Variants in FOXK2 observed in about 807,000 individuals in gnomAD.
The protein encoded by FOXK2 is forkhead box K2.
Under a neutral mutation model 53.3 loss-of-function variants are expected in FOXK2, and 24 were observed. That is an observed-to-expected ratio of 0.45 (90% CI 0.33 to 0.63). The LOEUF is 0.63. Among genes scored for constraint, FOXK2 ranks in the 30% least tolerant of loss-of-function variants. The pLI is 0.03. For missense variants in FOXK2, 952 were observed against 910.5 expected, an observed-to-expected ratio of 1.05 and a Z score of -0.59; for synonymous variants, 505 against 407.1, an observed-to-expected ratio of 1.24 and a Z score of -2.89.
At position 82,587,262 on chromosome 17, in the gene FOXK2, G is replaced by T; in HGVS notation, c.1776G>T (p.Gln592His). The T allele has an allele frequency of 1.2e-6, 2 of 1,612,704 alleles. No homozygotes were observed. The highest frequency in any genetic ancestry group is 8.5e-7 in the Non-Finnish European group (1 of 1,179,730). Residue 592 changes from glutamine (Q) to histidine (H), a missense_variant, in exon 8 of 9, where the codon CAG (glutamine) becomes CAT (histidine). Coordinates refer to ENST00000335255, the MANE Select transcript of FOXK2 (RefSeq NM_004514.4). Reference protein sequence around the residue: ...VASVPTAVHGQVNNAAASPLH... With the variant: ...VASVPTAVHGHVNNAAASPLH... Reference sequence around the variant, plus strand: ...CAGTCCCCACTGCGGTCCACGGCCAGGTGAACAATGGTAAGACATGCTGGT... The same window carrying T: ...CAGTCCCCACTGCGGTCCACGGCCATGTGAACAATGGTAAGACATGCTGGT...
intron 1 of FOXK2, among the ~76,000 whole-genome samples, chr17:82,523,827 A>G (rs1198959216): frequency 6.6e-6 from 1 of 152,130 alleles, no homozygotes; most frequent in East Asian, 1.9e-4. Context: ...TGATGATACA[A>G]GTTCTTTTTA....
intron 1 of FOXK2, among the ~76,000 whole-genome samples, chr17:82,535,549 C>A (rs1356367457): frequency 6.6e-6 from 1 of 152,120 alleles, no homozygotes; most frequent in Non-Finnish European, 1.5e-5. Flanking sequence ...TCAGTCTTCC[C>A]ATCTTCAAGT....
chr17:82,533,972 CCAGG>C (rs1241531098), intron 1 of FOXK2, among the ~76,000 whole-genome samples: 1 of 150,636 alleles, frequency 6.6e-6, no homozygotes, highest in Non-Finnish European at 1.5e-5. Flanking sequence ...GCACTCCAGC[CCAGG>C]CAACAGAAGG....
chr17:82,586,181 A>G lies in FOXK2; in HGVS notation c.1557A>G (p.Gly519=). 1 of 1,595,550 alleles carries G rather than the reference A, an allele frequency of 6.3e-7. No homozygotes were observed. Among genetic ancestry groups the G allele is most frequent in the Non-Finnish European group, 8.5e-7 (1 of 1,174,164 alleles). The part of the protein sequence containing the change: ...APPKAEAQEN[G]DHREVKVKVE... The stretch of plus-strand genomic sequence containing the variant: ...CTAAGGCAGAGGCCCAGGAGAATGG[A>G]GACCACAGGGAAGTCAAAGGTAGGC... The change falls in exon 7 of 9, where the codon GGA becomes GGG. Residue 519 remains glycine, a synonymous_variant. Transcript: ENST00000335255.
At chr17:82,570,898 A>C (rs2044910213) in intron 3 of FOXK2, among the ~76,000 whole-genome samples, 1 of 152,156 alleles carries the variant, frequency 6.6e-6, no homozygotes, top group East Asian at 1.9e-4. Context: ...TCAGCGGGGC[A>C]CTCAGCAGCC....
At chr17:82,547,600 T>A (rs2044638851) in intron 1 of FOXK2, among the ~76,000 whole-genome samples, 2 of 152,238 alleles carry the variant, frequency 1.3e-5, no homozygotes, top group South Asian at 4.1e-4. Flanking sequence ...ATTAATATAT[T>A]GTTGCCAGCT....
At chr17:82,543,266 T>A (rs2044591475) in intron 1 of FOXK2, among the ~76,000 whole-genome samples, 1 of 152,238 alleles carries the variant, frequency 6.6e-6, no homozygotes, top group South Asian at 2.1e-4. Context: ...TGTGTTGTTT[T>A]AGAGATAGGG....
chr17:82,529,143 AT>A (rs554700198), intron 1 of FOXK2, among the ~76,000 whole-genome samples: 37 of 150,654 alleles, frequency 2.5e-4, no homozygotes, highest in Admixed American at 6.6e-4. Context: ...AGTTTTAATA[AT>A]TTTTTTTACA....
chr17:82,585,711 T>A (rs2045129265), intron 6 of FOXK2, among the ~76,000 whole-genome samples, 193 bp from the exon 7 acceptor site: 1 of 152,220 alleles, frequency 6.6e-6, no homozygotes, highest in African/African-American at 2.4e-5. Context: ...CAGTTAGAGA[T>A]AGGAATTAAA....
intron 3 of FOXK2, among the ~76,000 whole-genome samples, chr17:82,570,558 T>A (rs772345895): frequency 6.6e-6 from 1 of 152,204 alleles, no homozygotes; most frequent in African/African-American, 2.4e-5. Context: ...CGGCCTGTGC[T>A]ATGGAAGCCC....
chr17:82,544,904 CG>C (rs2044609160), intron 1 of FOXK2, among the ~76,000 whole-genome samples: 1 of 151,810 alleles, frequency 6.6e-6, no homozygotes, highest in Non-Finnish European at 1.5e-5. Context: ...ACCCAGGTCC[CG>C]GGGGCGCACC....
At chr17:82,527,007 T>C (rs2044425280) in intron 1 of FOXK2, among the ~76,000 whole-genome samples, 1 of 152,080 alleles carries the variant, frequency 6.6e-6, no homozygotes, top group South Asian at 2.1e-4. Context: ...CTGGTGTGTT[T>C]CCGTATTGAA....
At position 82,519,932 on chromosome 17, in the gene FOXK2, C is replaced by T. The variant is rs1465335181; in HGVS notation, c.44C>T (p.Pro15Leu). ...GCGCTCTCGGGCGCGGGCACGCCAC[C>T]CGCGGGCGGCGGGGCCGGGGGCGGC... ...AAALSGAGTP[P>L]AGGGAGGGGA... The change falls in exon 1 of 9, where the codon CCC becomes CTC. Residue 15 changes from proline (P) to leucine (L), a missense_variant. Pro to Leu is a moderately conservative substitution (Grantham distance 98). Transcript: ENST00000335255. 9 of 978,938 alleles carry T rather than the reference C, an allele frequency of 9.2e-6. No individual in the cohort carries two copies. The highest frequency in any genetic ancestry group is 1.2e-4 in the East Asian group (1 of 8,608). 60.6% of individuals were successfully genotyped at this position (978,938 alleles called of 1,614,324 possible). A position where few individuals can be genotyped will look rare whatever the true frequency, so the allele number is the denominator to read the frequency against.
chr17:82,546,298 G>A (rs566356348), intron 1 of FOXK2, among the ~76,000 whole-genome samples: 12 of 151,894 alleles, frequency 7.9e-5, no homozygotes, highest in Admixed American at 7.2e-4. Flanking sequence ...TGTATTTTTG[G>A]TAGAGACGGG....
chr17:82,568,298 G>T, intron 3 of FOXK2, 97 bp downstream of exon 3: 1 of 1,443,310 alleles, frequency 6.9e-7, no homozygotes, highest in Admixed American at 2.1e-5. Flanking sequence ...CCTGTCCAGT[G>T]ACAGCCCTGC....
intron 1 of FOXK2, among the ~76,000 whole-genome samples, chr17:82,521,912 G>A (rs1306852923): frequency 2.0e-5 from 3 of 151,252 alleles, no homozygotes; most frequent in Non-Finnish European, 2.9e-5. Context: ...CTCCAGCCTG[G>A]GGGACAGAGG....
rs1322347151 is a variant in FOXK2, at chr17:82,519,908, C to T, written c.20C>T (p.Ala7Val). Residue 7 changes from alanine to valine, a missense_variant, in exon 1 of 9, where the codon GCG (alanine) becomes GTG (valine). Physicochemically the swap from Ala to Val is moderately conservative, Grantham distance 64. Transcript: ENST00000335255. ...AGGCCCATGGCGGCGGCCGCGGCGG[C>T]GCTCTCGGGCGCGGGCACGCCACCC... Reference protein sequence around the residue: MAAAAAALSGAGTPPAG... With the variant: MAAAAAVLSGAGTPPAG... 2.0e-6 allele frequency: 2 copies of T among 977,798 alleles called. No homozygotes were observed. Among genetic ancestry groups the T allele is most frequent in the African/African-American group, 1.8e-5 (1 of 56,268 alleles). 60.6% of individuals were successfully genotyped at this position (977,798 alleles called of 1,614,324 possible).
rs1334614961 is a variant in FOXK2, at chr17:82,519,780, C to T, written c.-109C>T. On this transcript the variant is annotated 5_prime_UTR_variant, in exon 1 of 9. Coordinates refer to ENST00000335255, the MANE Select transcript of FOXK2 (RefSeq NM_004514.4). Reference sequence around the variant, plus strand: ...TCGCCGGCCGGCGGCCTCCGCTCGGCCCCCTCCCTCAGCTCCGGTGCGCGG... The same window carrying T: ...TCGCCGGCCGGCGGCCTCCGCTCGGTCCCCTCCCTCAGCTCCGGTGCGCGG... 3 of 306,812 alleles carry T rather than the reference C, an allele frequency of 9.8e-6. No individual in the cohort carries two copies. The highest frequency in any genetic ancestry group is 1.3e-4 in the Admixed American group (2 of 14,922). The allele number at this position is 306,812 out of a possible 1,614,324, so 19.0% of individuals were successfully genotyped here.
chr17:82,592,324 C>G (rs1022634269), intron 8 of FOXK2, among the ~76,000 whole-genome samples: 3 of 152,256 alleles, frequency 2.0e-5, no homozygotes, highest in African/African-American at 7.2e-5. Flanking sequence ...CACATATTGA[C>G]TCCTCCGGCC....
Sources: allele counts gnomAD v4.1 joint callset (sites outside exome capture counted in the v4.1 genomes callset), GRCh38; gene constraint gnomAD v4.1.1; transcripts MANE v1.5; gene names NCBI Gene and HGNC (gene_info 2026-07-23, HGNC 2026-07-21).